The following KARS1 variants were observed in gnomAD, a reference collection of about 807,000 sequenced individuals.
KARS1 encodes lysyl-tRNA synthetase 1, also known as lysine--tRNA ligase.
In KARS1, 50 loss-of-function variants were observed where a neutral mutation model predicts 63.9. The ratio of observed to expected loss-of-function variants is 0.78; its 90% CI spans 0.62 to 0.99. KARS1 has a LOEUF of 0.99. KARS1 is among the 50% of genes least tolerant of loss of function. KARS1 has a pLI of 0.00. For synonymous variants in KARS1, 320 were observed against 264.6 expected, an observed-to-expected ratio of 1.21 and a Z score of -2.03; for missense variants, 816 against 754.5, an observed-to-expected ratio of 1.08 and a Z score of -0.95.
In KARS1 at chr16:75,631,159, C is replaced by T; in HGVS notation, c.1338+9G>A. On this transcript the variant is annotated intron_variant, in intron 10 of 13. Coordinates refer to ENST00000302445, the MANE Select transcript of KARS1 (RefSeq NM_005548.3). ...TGAGGACATGTACAAGAAGGCAGGG[C>T]CTTCTCACCTTGTCAAGGAGCCTGG... The T allele has an allele frequency of 1.2e-6, 2 of 1,610,392 alleles. No homozygotes were observed. The highest frequency in any genetic ancestry group is 1.7e-6 in the Non-Finnish European group (2 of 1,176,998).
chr16:75,635,755 CACA>C lies in KARS1; in HGVS notation c.717_719del (p.Phe239_Val240delinsLeu), dbSNP rs1180609227. On this transcript the variant is annotated inframe_deletion, in exon 6 of 14. Coordinates refer to ENST00000302445, the MANE Select transcript of KARS1 (RefSeq NM_005548.3). ...TAGAGCGGATGATAAATTTCTGCCTCACAAAGTCATTCAGGATCAAGTCCAAGT... is the reference window on the plus strand; with the variant it reads ...TAGAGCGGATGATAAATTTCTGCCTCAAGTCATTCAGGATCAAGTCCAAGT... 1 of 1,614,194 alleles carries C rather than the reference CACA, an allele frequency of 6.2e-7. No individual in the cohort carries two copies. Among genetic ancestry groups the C allele is most frequent in the South Asian group, 1.1e-5 (1 of 91,076 alleles).
At position 75,647,607 on chromosome 16, in the gene KARS1, C is replaced by G; in HGVS notation, c.33G>C (p.Val11=). 2 of 1,613,532 alleles carry G rather than the reference C, an allele frequency of 1.2e-6. No homozygotes were observed. The highest frequency in any genetic ancestry group is 1.7e-6 in the Non-Finnish European group (2 of 1,179,878). The change falls in exon 1 of 14, where the codon GTG becomes GTC. Residue 11 remains valine (V), a synonymous_variant. Transcript: ENST00000302445. MAAVQAAEVK[V]DGSEPKLSKN... ...TGCTCAGTTTCGGCTCGCTGCCATC[C>G]ACTTTCACCTCGGCCGCCTGCACGG...
At chr16:75,637,064 G>A (rs887358952) in intron 3 of KARS1, among the ~76,000 whole-genome samples, 1 of 151,614 alleles carries the variant, frequency 6.6e-6, no homozygotes, top group East Asian at 1.9e-4. Context: ...TTAAAGACAT[G>A]CTTTCAGGAT....
chr16:75,633,981 C>A (rs2082136609), intron 7 of KARS1, 192 bp downstream of exon 7: 1 of 671,288 alleles, frequency 1.5e-6, no homozygotes. Flanking sequence ...TTGGTCTCTG[C>A]CCTACAATGC....
At chr16:75,643,315 C>A (rs889811666) in intron 1 of KARS1, among the ~76,000 whole-genome samples, 4 of 152,132 alleles carry the variant, frequency 2.6e-5, no homozygotes, top group African/African-American at 9.7e-5. Context: ...CAGGACACAT[C>A]CTTCATTTTC....
chr16:75,636,405 T>C (rs761125046), intron 4 of KARS1, 49 bp downstream of exon 4: 2 of 1,159,570 alleles, frequency 1.7e-6, no homozygotes, highest in Non-Finnish European at 1.3e-6. Flanking sequence ...TATTGCTGTG[T>C]TGCTCTAGGC....
chr16:75,644,256 G>A, intron 1 of KARS1: 1 of 1,572,166 alleles, frequency 6.4e-7, no homozygotes, highest in Middle Eastern at 1.7e-4. Flanking sequence ...TGCTTCCAGA[G>A]CAATAAAGAA....
Position 75,631,267 on chromosome 16 carries a change from G to T in KARS1, c.1253-14C>A. ...TTTTGCGAGTTTCTGGGACACAAAT[G>T]CAAAAGTTAGGGCAGGAGACATCAC... On this transcript the variant is annotated splice_polypyrimidine_tract_variant and intron_variant, in intron 9 of 13. Coordinates refer to ENST00000302445, the MANE Select transcript of KARS1 (RefSeq NM_005548.3). 3 of 1,612,128 alleles carry T rather than the reference G, an allele frequency of 1.9e-6. No homozygotes were observed. The highest frequency in any genetic ancestry group is 2.5e-6 in the Non-Finnish European group (3 of 1,178,374).
At chr16:75,647,454 A>G in intron 1 of KARS1, 124 bp downstream of exon 1, 1 of 897,348 alleles carries the variant, frequency 1.1e-6, no homozygotes. Context: ...ACGTCTCAGC[A>G]TGTGCGTACC....
In KARS1 at chr16:75,637,812, G is replaced by A. The variant is rs1236269711; in HGVS notation, c.389-1265C>T. ...AAAAAAAAAAATCTAAAGGGAATGAGGAGTAGAGCCCACAGAAACCCTCTC... is the reference window on the plus strand; with the variant it reads ...AAAAAAAAAAATCTAAAGGGAATGAAGAGTAGAGCCCACAGAAACCCTCTC... On this transcript the variant is annotated intron_variant, in intron 3 of 13. Transcript: ENST00000302445. Among the ~76,000 whole-genome samples, 4 of 148,134 alleles carry A rather than the reference G, an allele frequency of 2.7e-5. No homozygotes were observed. In the Admixed American group the frequency reaches 2.7e-4, roughly 10 times the overall value.
intron 3 of KARS1, 162 bp downstream of exon 3, chr16:75,640,022 C>A: frequency 1.5e-6 from 1 of 665,984 alleles, no homozygotes; most frequent in Non-Finnish European, 2.7e-6. Flanking sequence ...CTCAGGGCTG[C>A]TCTGCTTCTT....
At chr16:75,632,626 G>C (rs2082125597) in intron 7 of KARS1, among the ~76,000 whole-genome samples, 1 of 152,204 alleles carries the variant, frequency 6.6e-6, no homozygotes, top group African/African-American at 2.4e-5. Context: ...CCAGGATTAT[G>C]AGCTGTAGTA....
chr16:75,637,803 AGGGAATGAGGAGTAGAGCCCAC>A, intron 3 of KARS1, among the ~76,000 whole-genome samples: 1 of 150,466 alleles, frequency 6.6e-6, no homozygotes, highest in African/African-American at 2.4e-5. Flanking sequence ...AAAAATCTAA[AGGGAATGAGGAGTAGAGCCCAC>A]AGAAACCCTC....
In KARS1 at chr16:75,640,188, C is replaced by T. The variant is rs1033724869; in HGVS notation, c.384G>A (p.Val128=). The change falls in exon 3 of 14, where the codon GTG becomes GTA. Residue 128 remains valine (V), a synonymous_variant. Transcript: ENST00000302445. ...TTTGCCAGGGAGAGTTCCTACCTGC[C>T]ACCTTTAAGGTGATGTCAGTCAGGT... The part of the protein sequence containing the change: ...GDHLTDITLK[V]AGRIHAKRAS... 8 of 1,613,910 alleles carry T rather than the reference C, an allele frequency of 5.0e-6. No individual in the cohort carries two copies. The highest frequency in any genetic ancestry group is 3.3e-4 in the Middle Eastern group (2 of 6,064).
chr16:75,628,004 T>C lies in KARS1; in HGVS notation c.1696-11A>G. The C allele has an allele frequency of 6.7e-7, 1 of 1,499,102 alleles. No homozygotes were observed. Among genetic ancestry groups the C allele is most frequent in the Non-Finnish European group, 9.3e-7 (1 of 1,075,196 alleles). The allele number at this position is 1,499,102 out of a possible 1,614,324, so 92.9% of individuals were successfully genotyped here. On this transcript the variant is annotated splice_polypyrimidine_tract_variant and intron_variant, in intron 13 of 13. Transcript: ENST00000302445. Reference sequence around the variant, plus strand: ...AAACAGAAGTACTTCCTGTGGGAGATAAGAATGTACCTTGAAGCTGAGAAG... The same window carrying C: ...AAACAGAAGTACTTCCTGTGGGAGACAAGAATGTACCTTGAAGCTGAGAAG...
chr16:75,629,829 T>A (rs2082092225), intron 11 of KARS1, among the ~76,000 whole-genome samples: 1 of 152,206 alleles, frequency 6.6e-6, no homozygotes, highest in Non-Finnish European at 1.5e-5. Context: ...CGATCAAACA[T>A]CTAATACAAT....
At chr16:75,643,809 C>T (rs2082251252) in intron 1 of KARS1, among the ~76,000 whole-genome samples, 1 of 152,214 alleles carries the variant, frequency 6.6e-6, no homozygotes, top group Admixed American at 6.5e-5. Flanking sequence ...TGTTATCATG[C>T]TATAATTCAG....
Position 75,628,290 on chromosome 16 carries a change from A to C in KARS1, c.1695+279T>G, listed in dbSNP as rs371271298. ...TGGGAAACAACAGTTTCTACACCTC[A>C]TAAGGCTGACTTAATTAGCTGAAAT... On this transcript the variant is annotated intron_variant, in intron 13 of 13. Coordinates refer to ENST00000302445, the MANE Select transcript of KARS1 (RefSeq NM_005548.3). 8.5e-4 allele frequency among the ~76,000 whole-genome samples: 130 copies of C among 152,354 alleles called. 1 individual carries two copies. Among genetic ancestry groups the C allele is most frequent in the African/African-American group, 3.0e-3 (126 of 41,590 alleles).
At chr16:75,647,515 G>A in intron 1 of KARS1, 63 bp downstream of exon 1, 1 of 1,475,420 alleles carries the variant, frequency 6.8e-7, no homozygotes, top group Non-Finnish European at 9.4e-7. Context: ...TGGGAACCTC[G>A]CGGCGCTTCC....
Sources: allele counts gnomAD v4.1 joint callset (sites outside exome capture counted in the v4.1 genomes callset), GRCh38; gene constraint gnomAD v4.1.1; transcripts MANE v1.5; gene names NCBI Gene and HGNC (gene_info 2026-07-23, HGNC 2026-07-21).